The following SLC9C2 variants were observed in gnomAD, a reference collection of about 807,000 sequenced individuals.
SLC9C2 encodes sodium/hydrogen exchanger 11.
Under a neutral mutation model 140.2 loss-of-function variants are expected in SLC9C2, and 75 were observed. The ratio of observed to expected loss-of-function variants is 0.53; its 90% confidence interval spans 0.44 to 0.65. SLC9C2 has a LOEUF of 0.65. Among genes scored for constraint, SLC9C2 ranks in the 30% least tolerant of loss-of-function variants. The pLI, the probability that SLC9C2 is intolerant of heterozygous loss-of-function variation, is 0.00. For synonymous variants in SLC9C2, 375 were observed against 420.9 expected, an observed-to-expected ratio of 0.89 and a Z score of 1.34; for missense variants, 1,074 against 1,331.8, an observed-to-expected ratio of 0.81 and a Z score of 3.01.
chr1:173,507,086 A>T, intron 24 of SLC9C2, 45 bp from the exon 25 acceptor site: 1 of 1,404,168 alleles, frequency 7.1e-7, no homozygotes, highest in Non-Finnish European at 9.6e-7. Context: ...ACAAACTGAC[A>T]GATGGTATCA....
rs995076136 is a variant in SLC9C2, at chr1:173,533,905, G to A, written c.1975-108C>T. 59 of 1,208,794 alleles carry A rather than the reference G, an allele frequency of 4.9e-5. No individual in the cohort carries two copies. The East Asian group carries it at 8.7e-4, about 18-fold the overall frequency. The allele number at this position is 1,208,794 out of a possible 1,614,324, so 74.9% of individuals were successfully genotyped here. ...CTTAACTACAAATGAGTTATATTCC[G>A]AAAGTTGAGCTTTAAGTTATTCATT... On this transcript the variant is annotated intron_variant, in intron 16 of 27. Transcript: ENST00000367714.
intron 5 of SLC9C2, among the ~76,000 whole-genome samples, chr1:173,585,382 TA>T (rs968696275): frequency 8.5e-5 from 13 of 152,146 alleles, no homozygotes; most frequent in Non-Finnish European, 1.6e-4. Flanking sequence ...AGTTTTTGCT[TA>T]AAAAAATAAT....
chr1:173,517,435 G>C, intron 23 of SLC9C2, 102 bp downstream of exon 23: 1 of 1,136,244 alleles, frequency 8.8e-7, no homozygotes, highest in Non-Finnish European at 1.2e-6. Flanking sequence ...CCAATAGCTG[G>C]TTGGGTGACT....
At chr1:173,575,583 T>C (rs1207951592) in intron 8 of SLC9C2, among the ~76,000 whole-genome samples, 1 of 151,958 alleles carries the variant, frequency 6.6e-6, no homozygotes, top group East Asian at 1.9e-4. Flanking sequence ...TGTTTGTTTG[T>C]TTTTGTTTTT....
At chr1:173,585,133 G>T (rs529809066) in intron 5 of SLC9C2, among the ~76,000 whole-genome samples, 1 of 152,014 alleles carries the variant, frequency 6.6e-6, no homozygotes, top group Non-Finnish European at 1.5e-5. Context: ...TCCTCTTCCA[G>T]ATTTGCTTTA....
chr1:173,601,290 C>G (rs1220639476), intron 2 of SLC9C2, among the ~76,000 whole-genome samples: 1 of 152,182 alleles, frequency 6.6e-6, no homozygotes, highest in African/African-American at 2.4e-5. Flanking sequence ...GCCAGGCAGG[C>G]AGTGTACAGC....
chr1:173,547,221 A>G (rs1662913467), intron 13 of SLC9C2, among the ~76,000 whole-genome samples: 2 of 152,010 alleles, frequency 1.3e-5, no homozygotes, highest in Admixed American at 1.3e-4. Flanking sequence ...TAATCTTCCT[A>G]TATTTATATA....
chr1:173,583,371 T>G (rs1444804934), intron 6 of SLC9C2, 135 bp downstream of exon 6: 14 of 522,264 alleles, frequency 2.7e-5, no homozygotes, highest in Non-Finnish European at 4.2e-5. Flanking sequence ...ATGATTTTTT[T>G]CTTGTTACTT....
intron 9 of SLC9C2, among the ~76,000 whole-genome samples, chr1:173,572,456 C>G (rs1045702086): frequency 6.6e-6 from 1 of 152,152 alleles, no homozygotes; most frequent in Non-Finnish European, 1.5e-5. Flanking sequence ...AGACAAGCTA[C>G]CCTGGCCACC....
chr1:173,564,475 A>T (rs1324570190), intron 9 of SLC9C2, among the ~76,000 whole-genome samples: 1 of 152,184 alleles, frequency 6.6e-6, no homozygotes, highest in Non-Finnish European at 1.5e-5. Flanking sequence ...ACATTTTCAT[A>T]TACCTGTTTG....
chr1:173,596,572 T>G (rs1666465608), intron 4 of SLC9C2: 1 of 152,162 alleles, frequency 6.6e-6, no homozygotes, highest in Non-Finnish European at 1.5e-5. Context: ...TATATCTTCC[T>G]TGGTGTCCCA....
At chr1:173,585,954 C>T (rs1048391283) in intron 5 of SLC9C2, among the ~76,000 whole-genome samples, 7 of 151,114 alleles carry the variant, frequency 4.6e-5, no homozygotes, top group East Asian at 3.9e-4. Flanking sequence ...GGGTATAGAG[C>T]GAAACTCCGT....
intron 7 of SLC9C2, among the ~76,000 whole-genome samples, chr1:173,579,482 G>A (rs1403041393): frequency 6.6e-6 from 1 of 152,084 alleles, no homozygotes; most frequent in Non-Finnish European, 1.5e-5. Flanking sequence ...ACAGGTGAAG[G>A]AACTGAGGGT....
chr1:173,507,172 A>G, intron 24 of SLC9C2, 131 bp from the exon 25 acceptor site: 1 of 706,440 alleles, frequency 1.4e-6, no homozygotes, highest in Non-Finnish European at 2.3e-6. Context: ...GCACCAACAG[A>G]CAGGATTTAT....
chr1:173,591,393 G>T (rs144237750), intron 4 of SLC9C2, among the ~76,000 whole-genome samples: 8 of 152,140 alleles, frequency 5.3e-5, no homozygotes, highest in East Asian at 3.9e-4. Context: ...TATATATCCC[G>T]TAATGGGATT....
intron 10 of SLC9C2, among the ~76,000 whole-genome samples, chr1:173,555,916 C>T (rs149909494): frequency 1.3e-5 from 2 of 152,274 alleles, no homozygotes; most frequent in Non-Finnish European, 2.9e-5. Context: ...TTGGATTTCT[C>T]CACATGCAAG....
chr1:173,585,912 G>A (rs1665825325), intron 5 of SLC9C2, among the ~76,000 whole-genome samples: 1 of 152,068 alleles, frequency 6.6e-6, no homozygotes, highest in African/African-American at 2.4e-5. Context: ...AGGTTGCCAT[G>A]AGCCAAGATC....
intron 13 of SLC9C2, among the ~76,000 whole-genome samples, chr1:173,545,357 G>A (rs1219711220): frequency 6.6e-6 from 1 of 152,170 alleles, no homozygotes; most frequent in Admixed American, 6.5e-5. Flanking sequence ...AAATCAAACT[G>A]AGAAAGCCAC....
At chr1:173,539,755 T>C (rs1480283918) in intron 13 of SLC9C2, among the ~76,000 whole-genome samples, 2 of 152,012 alleles carry the variant, frequency 1.3e-5, no homozygotes, top group Admixed American at 1.3e-4. Context: ...TAGAGGAGAC[T>C]GAAAAGGAAA....
Sources: gnomAD v4.1 joint callset for allele counts (sites outside exome capture counted in the v4.1 genomes callset) on GRCh38, gnomAD v4.1.1 for gene constraint, MANE v1.5 for transcripts, NCBI Gene and HGNC (gene_info 2026-07-23, HGNC 2026-07-21) for gene names.